The following FLT1 variants were observed in gnomAD, a reference collection of about 807,000 sequenced individuals.
The protein encoded by FLT1 is vascular endothelial growth factor receptor 1.
In FLT1, 49 loss-of-function variants were observed where a neutral mutation model predicts 156.3. The ratio of observed to expected loss-of-function variants is 0.31; its 90% CI spans 0.25 to 0.40. The LOEUF is 0.40. Among genes scored for constraint, FLT1 ranks in the 10% least tolerant of loss-of-function variants. FLT1 has a pLI of 1.00. For synonymous variants in FLT1, 594 were observed against 583.8 expected (o/e 1.02, Z -0.25); for missense variants, 1,322 against 1,637.2 (o/e 0.81, Z 3.32).
intron 14 of FLT1, among the ~76,000 whole-genome samples, chr13:28,359,138 A>G (rs1036636651): frequency 1.3e-5 from 2 of 152,236 alleles, no homozygotes; most frequent in South Asian, 2.1e-4. Flanking sequence ...AGAAAATGTA[A>G]TATTATAAAG....
intron 10 of FLT1, among the ~76,000 whole-genome samples, chr13:28,411,647 A>G (rs1420238135): frequency 1.3e-5 from 2 of 151,668 alleles, no homozygotes; most frequent in African/African-American, 2.4e-5. Flanking sequence ...CTGCATGCTC[A>G]GTGAGCATGT....
rs376657369 is a variant in FLT1, at chr13:28,388,421, T to G, written c.1969+1375A>C. On this transcript the variant is annotated intron_variant, in intron 13 of 29. Transcript: ENST00000282397. ...CTCCTATTGAACTGCCCAGCCACTGTGTTTCTCAGCCATGGCTATTTTGGT... is the reference window on the plus strand; with the variant it reads ...CTCCTATTGAACTGCCCAGCCACTGGGTTTCTCAGCCATGGCTATTTTGGT... 100 of 1,055,124 alleles carry G rather than the reference T, an allele frequency of 9.5e-5. 1 individual carries two copies. In the East Asian group the frequency reaches 4.8e-3, roughly 50 times the overall value. The allele number at this position is 1,055,124 out of a possible 1,614,324, so 65.4% of individuals were successfully genotyped here. A position where few individuals can be genotyped will look rare whatever the true frequency, so the allele number is the denominator to read the frequency against.
chr13:28,357,868 C>CTTTTTTTTTTTTTT lies in FLT1; in HGVS notation c.2117-197_2117-184dup, dbSNP rs57304530. ...CCAGGCTTTCTTTTTCTTTTCTTTC[C>CTTTTTTTTTTTTTT]TTTTTTTTTTTTTTTTTTTTTCTGC... is the stretch of plus-strand genomic sequence containing the variant. On this transcript the variant is annotated intron_variant, in intron 14 of 29. Coordinates refer to ENST00000282397, the MANE Select transcript of FLT1 (RefSeq NM_002019.4). Among the ~76,000 whole-genome samples, 13 of 104,726 alleles carry CTTTTTTTTTTTTTT rather than the reference C, an allele frequency of 1.2e-4. 1 individual carries two copies. The highest frequency in any genetic ancestry group is 4.8e-4 in the African/African-American group (13 of 26,972). The allele number at this position is 104,726 out of a possible 152,430, so 68.7% of individuals were successfully genotyped here.
At chr13:28,381,318 A>C (rs191936683) in intron 14 of FLT1, among the ~76,000 whole-genome samples, 1 of 152,290 alleles carries the variant, frequency 6.6e-6, no homozygotes, top group East Asian at 1.9e-4. Flanking sequence ...GCAATTTGGG[A>C]GGTCAAGGTG....
chr13:28,322,760 C>T lies in FLT1; in HGVS notation c.2953+30G>A, dbSNP rs765113863. Reference sequence around the variant, plus strand: ...ATAGTATGTTGTAAAAATATCTCAGCGCGTAGGACAGGAAGGAATTAATAC... The same window carrying T: ...ATAGTATGTTGTAAAAATATCTCAGTGCGTAGGACAGGAAGGAATTAATAC... On this transcript the variant is annotated intron_variant, in intron 21 of 29. Coordinates refer to ENST00000282397, the MANE Select transcript of FLT1 (RefSeq NM_002019.4). This position sits in a 1 kb window ranked among gnomAD's most constrained non-coding sequence, Gnocchi z 4.3. The T allele has an allele frequency of 5.6e-6, 9 of 1,606,502 alleles. No homozygotes were observed. The highest frequency in any genetic ancestry group is 3.3e-5 in the South Asian group (3 of 90,886).
intron 14 of FLT1, among the ~76,000 whole-genome samples, chr13:28,371,752 G>C (rs1203517873): frequency 6.6e-6 from 1 of 152,026 alleles, no homozygotes; most frequent in Non-Finnish European, 1.5e-5. Flanking sequence ...ACCTGAAAAG[G>C]CATTTAAGTT....
chr13:28,391,992 C>G (rs544828941), intron 12 of FLT1, among the ~76,000 whole-genome samples: 1 of 152,020 alleles, frequency 6.6e-6, no homozygotes, highest in African/African-American at 2.4e-5. Flanking sequence ...TTATGTTATG[C>G]TATTATTATT....
chr13:28,365,359 CT>C (rs1032993616), intron 14 of FLT1, among the ~76,000 whole-genome samples: 58 of 144,928 alleles, frequency 4.0e-4, no homozygotes, highest in Middle Eastern at 3.6e-3. Context: ...GTAGAACTCC[CT>C]TTTTTTTTTT....
chr13:28,426,290 C>T (rs760318547), intron 10 of FLT1, among the ~76,000 whole-genome samples: 1 of 152,138 alleles, frequency 6.6e-6, no homozygotes, highest in Non-Finnish European at 1.5e-5. Flanking sequence ...TTCAAATTAG[C>T]TCCCATAAAC....
At chr13:28,465,850 A>C (rs1879819241) in intron 3 of FLT1, among the ~76,000 whole-genome samples, 1 of 151,954 alleles carries the variant, frequency 6.6e-6, no homozygotes. Flanking sequence ...AAACAAACAA[A>C]CAACAACGAA....
At chr13:28,457,206 A>T (rs2137600150) in intron 3 of FLT1, among the ~76,000 whole-genome samples, 1 of 152,274 alleles carries the variant, frequency 6.6e-6, no homozygotes, top group Non-Finnish European at 1.5e-5. Context: ...AGACATGCAC[A>T]CACATCTAAT....
At chr13:28,460,838 G>A (rs1191652457) in intron 3 of FLT1, among the ~76,000 whole-genome samples, 1 of 151,278 alleles carries the variant, frequency 6.6e-6, no homozygotes, top group Non-Finnish European at 1.5e-5. Context: ...ACGCACGTAT[G>A]TACTTTACAT....
intron 1 of FLT1, among the ~76,000 whole-genome samples, chr13:28,474,135 A>T (rs1250348605): frequency 9.9e-5 from 15 of 151,528 alleles, no homozygotes; most frequent in Non-Finnish European, 2.1e-4. Context: ...TTATGAGAAA[A>T]TAAATTCCTC....
In FLT1 at chr13:28,338,308, G is replaced by A. The variant is rs117251697; in HGVS notation, c.2488+860C>T. On this transcript the variant is annotated intron_variant, in intron 17 of 29. Coordinates refer to ENST00000282397, the MANE Select transcript of FLT1 (RefSeq NM_002019.4). ...AGAGGGACAAGCTCCAAGAACACTG[G>A]ATCCACAATCTGTTTTCTTAGTTCC... Among the ~76,000 whole-genome samples, 49 of 152,082 alleles carry A rather than the reference G, an allele frequency of 3.2e-4. No individual in the cohort carries two copies. In the East Asian group the frequency reaches 7.9e-3, roughly 25 times the overall value.
chr13:28,494,710 C>T, intron 1 of FLT1, 70 bp downstream of exon 1: 1 of 1,274,548 alleles, frequency 7.8e-7, no homozygotes, highest in Non-Finnish European at 1.1e-6. Flanking sequence ...CCGCCCTGGC[C>T]TCGGAGGCTC....
chr13:28,377,993 C>T (rs1873911737), intron 14 of FLT1, among the ~76,000 whole-genome samples: 1 of 151,288 alleles, frequency 6.6e-6, no homozygotes, highest in African/African-American at 2.4e-5. Flanking sequence ...TTTTAATATG[C>T]TTTTAAAATG....
intron 28 of FLT1, 142 bp downstream of exon 28, chr13:28,308,701 C>T (rs1870855632): frequency 1.4e-6 from 1 of 705,572 alleles, no homozygotes; most frequent in South Asian, 1.5e-5. Context: ...GTTGTCAGTC[C>T]TCCCCACACT....
chr13:28,469,809 T>C (rs1880048489), intron 1 of FLT1, among the ~76,000 whole-genome samples: 1 of 152,238 alleles, frequency 6.6e-6, no homozygotes, highest in Non-Finnish European at 1.5e-5. Flanking sequence ...TGGAGTGCCT[T>C]GGTGCGATCT....
chr13:28,367,030 T>C (rs1873325679), intron 14 of FLT1, among the ~76,000 whole-genome samples: 1 of 152,156 alleles, frequency 6.6e-6, no homozygotes, highest in South Asian at 2.1e-4. Flanking sequence ...AAATGTCATG[T>C]AGAGGGTGGA....
Sources: allele counts gnomAD v4.1 joint callset (sites outside exome capture counted in the v4.1 genomes callset), GRCh38; gene constraint gnomAD v4.1.1; non-coding constraint Gnocchi (gnomAD v3.1); transcripts MANE v1.5; gene names NCBI Gene and HGNC (gene_info 2026-07-23, HGNC 2026-07-21).